The following BMP10 variants were observed in gnomAD, a reference collection of about 807,000 sequenced individuals.
BMP10 encodes bone morphogenetic protein 10.
A neutral mutation model predicts 29.9 loss-of-function variants in BMP10; 9 were observed. The observed-to-expected ratio is 0.30, with a 90% confidence interval of 0.18 to 0.53. The LOEUF (loss-of-function observed/expected upper bound fraction) is 0.53, where lower values mean the gene tolerates loss of function less well. Ranked by LOEUF, BMP10 falls within the 20% of genes least tolerant of loss-of-function variation. BMP10 has a pLI of 0.96. For missense variants in BMP10, 474 were observed against 524.3 expected (o/e 0.90, Z 0.94); for synonymous variants, 202 against 200.2 (o/e 1.01, Z -0.07).
chr2:68,869,386 C>T (rs914076401), intron 1 of BMP10, among the ~76,000 whole-genome samples: 12 of 152,102 alleles, frequency 7.9e-5, no homozygotes, highest in African/African-American at 2.4e-4. Flanking sequence ...ATGTCCTGTG[C>T]GATTTCTGTC....
chr2:68,868,507 A>G (rs1278154993), intron 1 of BMP10, among the ~76,000 whole-genome samples: 2 of 152,216 alleles, frequency 1.3e-5, no homozygotes, highest in African/African-American at 2.4e-5. Context: ...ACTCCCTTCT[A>G]TGTCTCTATC....
At chr2:68,866,658 A>G in intron 1 of BMP10, 87 bp from the exon 2 acceptor site, 1 of 990,490 alleles carries the variant, frequency 1.0e-6, no homozygotes, top group Non-Finnish European at 1.5e-6. Flanking sequence ...AGGCCTTCCC[A>G]TGCACAAAGC....
At chr2:68,870,964 G>T (rs1424833264) in intron 1 of BMP10, 61 bp downstream of exon 1, 5 of 1,430,346 alleles carry the variant, frequency 3.5e-6, no homozygotes, top group South Asian at 1.2e-5. Context: ...CCCATGCATT[G>T]TAAATTTACT....
chr2:68,865,449 A>G lies in BMP10; in HGVS notation c.*182T>C, dbSNP rs1275413983. The G allele has an allele frequency of 3.0e-6, 2 of 655,778 alleles. No homozygotes were observed. The highest frequency in any genetic ancestry group is 5.0e-6 in the Non-Finnish European group (2 of 403,762). 40.6% of individuals were successfully genotyped at this position (655,778 alleles called of 1,614,324 possible). ...GCCAGGAAATGGCAAGTCCAAAGAG[A>G]AAACAGATTGAAAGGGACTTAACTG... On this transcript the variant is annotated 3_prime_UTR_variant, in exon 2 of 2. Coordinates refer to ENST00000295379, the MANE Select transcript of BMP10 (RefSeq NM_014482.3). This position sits in a 1 kb window ranked among gnomAD's most constrained non-coding sequence, Gnocchi z 4.7.
chr2:68,868,407 C>T (rs1437844502), intron 1 of BMP10, among the ~76,000 whole-genome samples: 1 of 152,086 alleles, frequency 6.6e-6, no homozygotes, highest in African/African-American at 2.4e-5. Context: ...TCCTTTGATC[C>T]TTGTCATTTA....
chr2:68,864,680 C>A lies in BMP10; in HGVS notation c.*951G>T, dbSNP rs562074952. 2.6e-5 allele frequency among the ~76,000 whole-genome samples: 4 copies of A among 152,104 alleles called. No homozygotes were observed. Among genetic ancestry groups the A allele is most frequent in the African/African-American group, 9.7e-5 (4 of 41,430 alleles). ...ACATCCTTTCTTCCAACAGACAGAC[C>A]CCTTCTGATTTTCCTCCTCTTAGTC... On this transcript the variant is annotated 3_prime_UTR_variant, in exon 2 of 2. Coordinates refer to ENST00000295379, the MANE Select transcript of BMP10 (RefSeq NM_014482.3).
rs1682920637 is a variant in BMP10, at chr2:68,864,755, C to G, written c.*876G>C. Among the ~76,000 whole-genome samples the G allele has an allele frequency of 6.6e-6, 1 of 152,218 alleles. No homozygotes were observed. The highest frequency in any genetic ancestry group is 2.1e-4 in the South Asian group (1 of 4,830). On this transcript the variant is annotated 3_prime_UTR_variant, in exon 2 of 2. Coordinates refer to ENST00000295379, the MANE Select transcript of BMP10 (RefSeq NM_014482.3). Reference sequence around the variant, plus strand: ...AGATTTAATTCTTTAAACAGAACCACTTTTGGTTTTACAGACACATCTGAG... The same window carrying G: ...AGATTTAATTCTTTAAACAGAACCAGTTTTGGTTTTACAGACACATCTGAG...
chr2:68,866,651 C>T (rs1459618264), intron 1 of BMP10, 80 bp from the exon 2 acceptor site: 4 of 1,050,946 alleles, frequency 3.8e-6, no homozygotes, highest in South Asian at 1.6e-5. Flanking sequence ...AATAAGAAGG[C>T]CTTCCCATGC....
In BMP10 at chr2:68,862,052, G is replaced by T. The variant is rs13431713; in HGVS notation, c.*3579C>A. On this transcript the variant is annotated 3_prime_UTR_variant, in exon 2 of 2. Coordinates refer to ENST00000295379, the MANE Select transcript of BMP10 (RefSeq NM_014482.3). ...AAAGATTCATTTAAATAGCATCTCC[G>T]TTTACTGAGTAGCAATCACATTCTC... Among the ~76,000 whole-genome samples the T allele has an allele frequency of 0.036, 5,437 of 152,246 alleles. 332 individuals carry two copies. Among genetic ancestry groups the T allele is most frequent in the African/African-American group, 0.13 (5,190 of 41,500 alleles).
In BMP10 at chr2:68,863,863, A is replaced by G. The variant is rs1682905120; in HGVS notation, c.*1768T>C. On this transcript the variant is annotated 3_prime_UTR_variant, in exon 2 of 2. Transcript: ENST00000295379. ...GAAAAAAGTGTCAGACTTCTTAAGG[A>G]AGCATTCCTTAAGATGAGTAGGGGT... 1.3e-5 allele frequency among the ~76,000 whole-genome samples: 2 copies of G among 152,162 alleles called. No individual in the cohort carries two copies. Among genetic ancestry groups the G allele is most frequent in the South Asian group, 4.1e-4 (2 of 4,830 alleles).
intron 1 of BMP10, among the ~76,000 whole-genome samples, chr2:68,868,419 G>A (rs944458620): frequency 1.5e-4 from 23 of 151,860 alleles, no homozygotes; most frequent in African/African-American, 2.2e-4. Context: ...TGTCATTTAC[G>A]TCCTTATATT....
Position 68,861,280 on chromosome 2 carries a change from G to A in BMP10, c.*4351C>T, listed in dbSNP as rs969693569. Among the ~76,000 whole-genome samples, 6 of 152,174 alleles carry A rather than the reference G, an allele frequency of 3.9e-5. No homozygotes were observed. The highest frequency in any genetic ancestry group is 9.7e-5 in the African/African-American group (4 of 41,440). On this transcript the variant is annotated 3_prime_UTR_variant, in exon 2 of 2. Transcript: ENST00000295379. ...CAATGTCCATGAATGCTCAGTAGGC[G>A]GGCGCTGGCACATTGGCCGCCCCAC...
At chr2:68,869,126 T>C (rs534397988) in intron 1 of BMP10, among the ~76,000 whole-genome samples, 4 of 152,352 alleles carry the variant, frequency 2.6e-5, no homozygotes, top group East Asian at 1.9e-4. Context: ...TCTCTGGTTC[T>C]CACAATGACC....
chr2:68,869,563 CG>C (rs914127348), intron 1 of BMP10, among the ~76,000 whole-genome samples: 2 of 152,128 alleles, frequency 1.3e-5, no homozygotes, highest in Non-Finnish European at 2.9e-5. Context: ...GAACGGAAAA[CG>C]TTTCTAGTTT....
rs1682843840 is a variant in BMP10 at position 68,860,936 on chromosome 2, T to C, written c.*4695A>G. Among the ~76,000 whole-genome samples, 1 of 152,318 alleles carries C rather than the reference T, an allele frequency of 6.6e-6. No homozygotes were observed. The highest frequency in any genetic ancestry group is 2.1e-4 in the South Asian group (1 of 4,832). On this transcript the variant is annotated 3_prime_UTR_variant, in exon 2 of 2. Coordinates refer to ENST00000295379, the MANE Select transcript of BMP10 (RefSeq NM_014482.3). ...GTTTCTTCAGACCATTCTTTATTAA[T>C]ATAGCAATTAGTTTTATTCCATCGG...
rs1231718068 is a variant in BMP10 at position 68,864,295 on chromosome 2, C to T, written c.*1336G>A. 6.6e-6 allele frequency among the ~76,000 whole-genome samples: 1 copy of T among 152,136 alleles called. No individual in the cohort carries two copies. Among genetic ancestry groups the T allele is most frequent in the Non-Finnish European group, 1.5e-5 (1 of 68,020 alleles). ...GTTTATTTAAATCCATTCATTTGGA[C>T]TCTGGTTTTCTTTTTCTTATACTTA... On this transcript the variant is annotated 3_prime_UTR_variant, in exon 2 of 2. Coordinates refer to ENST00000295379, the MANE Select transcript of BMP10 (RefSeq NM_014482.3).
rs1359552106 is a variant in BMP10 at position 68,866,543 on chromosome 2, A to G, written c.363T>C (p.Asn121=). The part of the protein sequence containing the change: ...EDLFSQPVSF[N]GLRKYPLLFN... ...AGAGGAGGGGGTATTTTCGGAGCCC[A>G]TTAAAACTGACCGGCTGGGAAAACA... Residue 121 remains asparagine, a synonymous_variant, in exon 2 of 2, where the codon AAT becomes AAC. Transcript: ENST00000295379. 2.5e-6 allele frequency: 4 copies of G among 1,611,738 alleles called. No individual in the cohort carries two copies. The Admixed American group carries it at 5.0e-5, about 20-fold the overall frequency.
In BMP10 at chr2:68,865,415, G is replaced by A. The variant is rs1682931634; in HGVS notation, c.*216C>T. On this transcript the variant is annotated 3_prime_UTR_variant, in exon 2 of 2. Coordinates refer to ENST00000295379, the MANE Select transcript of BMP10 (RefSeq NM_014482.3). This position sits in a 1 kb window ranked among gnomAD's most constrained non-coding sequence, Gnocchi z 4.7. ...GGGGTTGTTTTCAAATCAACAGGGA[G>A]GTGGCATTGCCAGGAAATGGCAAGT... 2 of 557,166 alleles carry A rather than the reference G, an allele frequency of 3.6e-6. No individual in the cohort carries two copies. Among genetic ancestry groups the A allele is most frequent in the South Asian group, 2.8e-5 (1 of 36,344 alleles). The allele number at this position is 557,166 out of a possible 1,614,324, so 34.5% of individuals were successfully genotyped here.
Position 68,864,151 on chromosome 2 carries a change from G to A in BMP10, c.*1480C>T, listed in dbSNP as rs1168860699. On this transcript the variant is annotated 3_prime_UTR_variant, in exon 2 of 2. Coordinates refer to ENST00000295379, the MANE Select transcript of BMP10 (RefSeq NM_014482.3). Reference sequence around the variant, plus strand: ...TTTCAGTCCTGGCCAGTTGCAAAATGGGAAGATGGTAAGATGAGAAGATGG... The same window carrying A: ...TTTCAGTCCTGGCCAGTTGCAAAATAGGAAGATGGTAAGATGAGAAGATGG... 1.3e-5 allele frequency among the ~76,000 whole-genome samples: 2 copies of A among 152,144 alleles called. No homozygotes were observed. Among genetic ancestry groups the A allele is most frequent in the African/African-American group, 4.8e-5 (2 of 41,426 alleles).
Sources: allele counts gnomAD v4.1 joint callset (sites outside exome capture counted in the v4.1 genomes callset), GRCh38; gene constraint gnomAD v4.1.1; non-coding constraint Gnocchi (gnomAD v3.1); transcripts MANE v1.5; gene names NCBI Gene and HGNC (gene_info 2026-07-23, HGNC 2026-07-21).